FAF1: variants seen among roughly 807,000 people sequenced by gnomAD.
FAF1 encodes FAS-associated factor 1.
In FAF1, 25 loss-of-function variants were observed where a neutral mutation model predicts 92.5. The observed-to-expected ratio is 0.27, with a 90% CI of 0.20 to 0.38. The LOEUF is 0.38. Among genes scored for constraint, FAF1 ranks in the 10% least tolerant of loss-of-function variants. The pLI is 1.00. For synonymous variants in FAF1, 234 were observed against 273.2 expected (o/e 0.86, Z 1.42); for missense variants, 636 against 793.3 (o/e 0.80, Z 2.38).
chr1:50,768,588 T>C (rs929165024), intron 4 of FAF1, among the ~76,000 whole-genome samples: 4 of 152,062 alleles, frequency 2.6e-5, no homozygotes, highest in Non-Finnish European at 5.9e-5. Flanking sequence ...GCAATCACAC[T>C]ACTGAACCAG....
chr1:50,477,628 T>C (rs1231488731), intron 17 of FAF1, among the ~76,000 whole-genome samples: 1 of 152,230 alleles, frequency 6.6e-6, no homozygotes, highest in Non-Finnish European at 1.5e-5. Context: ...TATCATATAT[T>C]AGTAACCCAG....
intron 1 of FAF1, among the ~76,000 whole-genome samples, chr1:50,928,455 A>G (rs957296231): frequency 6.6e-6 from 1 of 152,150 alleles, no homozygotes; most frequent in South Asian, 2.1e-4. Flanking sequence ...TAAAAATATC[A>G]CACTTAAAAG....
intron 15 of FAF1, among the ~76,000 whole-genome samples, chr1:50,503,085 T>C (rs998207494): frequency 6.6e-6 from 1 of 152,146 alleles, no homozygotes; most frequent in Admixed American, 6.5e-5. Flanking sequence ...GCAGTCCTCC[T>C]GCTTTAGCCT....
At chr1:50,678,804 A>G (rs1656275010) in intron 7 of FAF1, among the ~76,000 whole-genome samples, 2 of 138,054 alleles carry the variant, frequency 1.4e-5, no homozygotes, top group East Asian at 4.2e-4. Context: ...AAAAAAAAAA[A>G]GGCCAGTCAT....
intron 1 of FAF1, among the ~76,000 whole-genome samples, chr1:50,861,855 A>ACAG (rs1452595964): frequency 2.0e-5 from 3 of 151,880 alleles, no homozygotes; most frequent in African/African-American, 7.2e-5. Context: ...ACACAGCAAG[A>ACAG]CAGCAGCCAT....
intron 1 of FAF1, among the ~76,000 whole-genome samples, chr1:50,863,932 G>T (rs1201794018): frequency 6.6e-6 from 1 of 152,040 alleles, no homozygotes; most frequent in Non-Finnish European, 1.5e-5. Context: ...TTAGTCTTGG[G>T]AGAGTGTATG....
intron 8 of FAF1, among the ~76,000 whole-genome samples, chr1:50,642,823 C>T (rs922326913): frequency 1.3e-5 from 2 of 151,800 alleles, no homozygotes; most frequent in African/African-American, 4.8e-5. Flanking sequence ...TTCTCTGTTC[C>T]CTTTTTTTCT....
chr1:50,705,929 G>T, intron 6 of FAF1, 38 bp from the exon 7 acceptor site: 1 of 1,289,952 alleles, frequency 7.8e-7, no homozygotes, highest in South Asian at 1.2e-5. Context: ...ACTCAGAGAT[G>T]AACAAGTTCT....
intron 3 of FAF1, among the ~76,000 whole-genome samples, chr1:50,788,899 T>C (rs920896135): frequency 1.1e-4 from 16 of 152,278 alleles, no homozygotes; most frequent in African/African-American, 3.8e-4. Flanking sequence ...TGGCACAATC[T>C]TGGCTCATTG....
intron 17 of FAF1, among the ~76,000 whole-genome samples, chr1:50,482,856 CT>C (rs1646719125): frequency 6.6e-6 from 1 of 152,164 alleles, no homozygotes; most frequent in East Asian, 1.9e-4. Context: ...GGGTTGCTTT[CT>C]TATTATTGAG....
intron 4 of FAF1, among the ~76,000 whole-genome samples, chr1:50,771,394 G>C (rs1660770938): frequency 6.6e-6 from 1 of 152,072 alleles, no homozygotes; most frequent in African/African-American, 2.4e-5. Flanking sequence ...CTAATATCCA[G>C]AATCTATAAG....
At position 50,596,136 on chromosome 1, in the gene FAF1, C is replaced by T. The variant is rs980193112; in HGVS notation, c.825G>A (p.Arg275=). The T allele has an allele frequency of 1.9e-6, 3 of 1,613,562 alleles. No individual in the cohort carries two copies. Among genetic ancestry groups the T allele is most frequent in the Non-Finnish European group, 2.5e-6 (3 of 1,179,674 alleles). Residue 275 remains arginine, a synonymous_variant, in exon 9 of 19, where the codon CGG becomes CGA. Coordinates refer to ENST00000396153, the MANE Select transcript of FAF1 (RefSeq NM_007051.3). ...ACAGGCTTACTTCTTCCGACTGTTC[C>T]CGGGTCTGTGCAGGTGAAGATCTTC... ...VGRRSSPAQT[R]EQSEEQITDV...
intron 12 of FAF1, among the ~76,000 whole-genome samples, chr1:50,570,454 C>G (rs894098038): frequency 2.6e-5 from 4 of 151,994 alleles, no homozygotes; most frequent in Admixed American, 6.6e-5. Flanking sequence ...AAAAAAGACT[C>G]TGGAGAAACA....
chr1:50,495,167 T>C lies in FAF1; in HGVS notation c.1495-3366A>G, dbSNP rs555167261. Among the ~76,000 whole-genome samples, 4 of 152,318 alleles carry C rather than the reference T, an allele frequency of 2.6e-5. No homozygotes were observed. The South Asian group carries it at 6.2e-4, about 24-fold the overall frequency. ...TTTTTAAATGTACAATGATTTTTAC[T>C]ATAGTCATCCTGTTGTGCTATCAAA... On this transcript the variant is annotated intron_variant, in intron 15 of 18. Transcript: ENST00000396153.
At chr1:50,606,488 GCTTTTT>G (rs1230492428) in intron 8 of FAF1, among the ~76,000 whole-genome samples, 5 of 94,710 alleles carry the variant, frequency 5.3e-5, no homozygotes, top group African/African-American at 1.6e-4. Context: ...TGTGAGAGTT[GCTTTTT>G]TTTTTTTTTT....
chr1:50,501,425 A>C (rs1235904186), intron 15 of FAF1, among the ~76,000 whole-genome samples: 2 of 152,136 alleles, frequency 1.3e-5, no homozygotes, highest in African/African-American at 4.8e-5. Flanking sequence ...AGCACTTTGG[A>C]AGGCCAAGGC....
At chr1:50,751,890 A>C (rs576341815) in intron 4 of FAF1, among the ~76,000 whole-genome samples, 1 of 152,234 alleles carries the variant, frequency 6.6e-6, no homozygotes, top group African/African-American at 2.4e-5. Flanking sequence ...AGGACTGGTA[A>C]TAGTTCTTCC....
At chr1:50,464,134 G>A (rs2148991127) in intron 18 of FAF1, among the ~76,000 whole-genome samples, 1 of 152,080 alleles carries the variant, frequency 6.6e-6, no homozygotes, top group East Asian at 1.9e-4. Flanking sequence ...TGCCATGTCT[G>A]TGTCCTCACA....
At chr1:50,567,381 A>G (rs1461444484) in intron 12 of FAF1, 150 bp from the exon 13 acceptor site, 1 of 512,402 alleles carries the variant, frequency 2.0e-6, no homozygotes, top group African/African-American at 1.9e-5. Flanking sequence ...TGGAGTTCCT[A>G]AAGCATCTAA....
Sources: allele counts gnomAD v4.1 joint callset (sites outside exome capture counted in the v4.1 genomes callset), GRCh38; gene constraint gnomAD v4.1.1; transcripts MANE v1.5; gene names NCBI Gene and HGNC (gene_info 2026-07-23, HGNC 2026-07-21).